Variants in TENM2 observed in about 807,000 individuals in gnomAD.
The protein encoded by TENM2 is teneurin transmembrane protein 2, also known as teneurin-2.
TENM2 carries 52 observed loss-of-function variants against 245.2 expected under a neutral mutation model. The observed-to-expected ratio is 0.21, with a 90% confidence interval of 0.17 to 0.27. The LOEUF (loss-of-function observed/expected upper bound fraction) is 0.27. TENM2 is among the 10% of genes least tolerant of loss of function. The pLI is 1.00. For missense variants in TENM2, 3,046 were observed against 3,666.8 expected, an observed-to-expected ratio of 0.83 and a Z score of 4.37; for synonymous variants, 1,363 against 1,438.9, an observed-to-expected ratio of 0.95 and a Z score of 1.19.
intron 2 of TENM2, among the ~76,000 whole-genome samples, chr5:167,566,741 G>A (rs1773934169): frequency 6.6e-6 from 1 of 152,302 alleles, no homozygotes; most frequent in Non-Finnish European, 1.5e-5. Context: ...ACTCAATGGA[G>A]AGGAACGTAA....
intron 2 of TENM2, among the ~76,000 whole-genome samples, chr5:167,520,298 G>A (rs1030102029): frequency 6.6e-6 from 1 of 152,120 alleles, no homozygotes; most frequent in African/African-American, 2.4e-5. Flanking sequence ...CAAACAAAGT[G>A]GTTATGAAAC....
At chr5:168,134,744 A>G (rs1754897088) in intron 12 of TENM2, among the ~76,000 whole-genome samples, 1 of 152,150 alleles carries the variant, frequency 6.6e-6, no homozygotes, top group Non-Finnish European at 1.5e-5. Flanking sequence ...CCCTTTCACA[A>G]ATTTGCTTCC....
At chr5:167,143,480 A>T in the TENM2 span, among the ~76,000 whole-genome samples, 1 of 152,136 alleles carries the variant, frequency 6.6e-6, no homozygotes, top group African/African-American at 2.4e-5. Context: ...CTGGAACTGG[A>T]AATCTGTTAT....
At chr5:167,008,539 T>C in the TENM2 span, among the ~76,000 whole-genome samples, 1 of 152,192 alleles carries the variant, frequency 6.6e-6, no homozygotes, top group Admixed American at 6.5e-5. Flanking sequence ...TCTCCTTACA[T>C]TTGATCAGTT....
At chr5:167,353,481 G>GTTTT (rs1315088841) in intron 1 of TENM2, among the ~76,000 whole-genome samples, 19 of 67,144 alleles carry the variant, frequency 2.8e-4, no homozygotes, top group East Asian at 1.8e-3. Flanking sequence ...AGTATATGGT[G>GTTTT]TTTTTTGTTG....
At chr5:167,329,633 A>T (rs1218160777) in intron 1 of TENM2, among the ~76,000 whole-genome samples, 4 of 149,930 alleles carry the variant, frequency 2.7e-5, no homozygotes, top group Non-Finnish European at 4.4e-5. Context: ...AATGGTGTGC[A>T]GCAAGGAGCT....
At chr5:167,599,352 A>AT (rs200659541) in intron 2 of TENM2, among the ~76,000 whole-genome samples, 190 of 150,236 alleles carry the variant, frequency 1.3e-3, no homozygotes, top group South Asian at 5.5e-3. Context: ...ATTTTAATTG[A>AT]TTTTTTTTTT....
chr5:168,182,825 CTTTTTTTTTTTTTTT>C (rs149579948), intron 13 of TENM2, among the ~76,000 whole-genome samples: 2 of 100,682 alleles, frequency 2.0e-5, no homozygotes, highest in Non-Finnish European at 3.8e-5. Context: ...TCAGGGTGCT[CTTTTTTTTTTTTTTT>C]TTTTTTTTGA....
the TENM2 span, among the ~76,000 whole-genome samples, chr5:167,279,562 C>CTTCCTTCCTTCCTTCCTTCG: frequency 6.7e-5 from 8 of 119,760 alleles, no homozygotes; most frequent in South Asian, 2.6e-4. Flanking sequence ...TCCTTCCTTC[C>CTTCCTTCCTTCCTTCCTTCG]TTCCTTCTTT....
At chr5:167,945,087 G>C (rs934273696) in intron 3 of TENM2, among the ~76,000 whole-genome samples, 1 of 152,126 alleles carries the variant, frequency 6.6e-6, no homozygotes, top group African/African-American at 2.4e-5. Context: ...TGTCCTCTGA[G>C]ACTCTAAATA....
At chr5:168,059,301 T>A (rs530408908) in intron 6 of TENM2, among the ~76,000 whole-genome samples, 1 of 152,300 alleles carries the variant, frequency 6.6e-6, no homozygotes, top group East Asian at 1.9e-4. Flanking sequence ...TGGCTTGATA[T>A]CACAATCCAT....
intron 2 of TENM2, among the ~76,000 whole-genome samples, chr5:167,585,045 T>C (rs1775387462): frequency 6.6e-6 from 1 of 152,188 alleles, no homozygotes. Flanking sequence ...ACTCACAATG[T>C]ATGGATTAAA....
chr5:167,755,032 G>T (rs190683638), intron 2 of TENM2: 1 of 1,588,746 alleles, frequency 6.3e-7, no homozygotes, highest in African/African-American at 1.3e-5. Flanking sequence ...AACGAAGAGC[G>T]GCCCACTCCC....
At chr5:167,619,176 G>T (rs1201974739) in intron 2 of TENM2, among the ~76,000 whole-genome samples, 2 of 152,020 alleles carry the variant, frequency 1.3e-5, no homozygotes, top group African/African-American at 4.8e-5. Context: ...TTGTGAACTG[G>T]CTTGCAAGAT....
At chr5:167,665,867 A>C (rs1755541602) in intron 2 of TENM2, among the ~76,000 whole-genome samples, 1 of 152,170 alleles carries the variant, frequency 6.6e-6, no homozygotes, top group East Asian at 1.9e-4. Context: ...TTTCATTGAC[A>C]TTATCTTCTA....
chr5:168,173,810 G>A (rs770704815), intron 13 of TENM2, among the ~76,000 whole-genome samples: 2 of 152,154 alleles, frequency 1.3e-5, no homozygotes, highest in Non-Finnish European at 2.9e-5. Context: ...GACCATGGCC[G>A]CTCACAAGAG....
chr5:167,940,678 T>C (rs1001264156), intron 3 of TENM2, among the ~76,000 whole-genome samples: 5 of 152,244 alleles, frequency 3.3e-5, no homozygotes, highest in African/African-American at 1.2e-4. Context: ...TTCTTATTTC[T>C]TGCAATATTT....
At chr5:167,103,388 A>G in the TENM2 span, among the ~76,000 whole-genome samples, 1 of 152,326 alleles carries the variant, frequency 6.6e-6, no homozygotes, top group African/African-American at 2.4e-5. Context: ...AAGTTTCAGG[A>G]AGTTTCTTTA....
intron 12 of TENM2, among the ~76,000 whole-genome samples, chr5:168,127,717 A>C (rs1795955382): frequency 6.6e-6 from 1 of 152,194 alleles, no homozygotes; most frequent in Non-Finnish European, 1.5e-5. Context: ...CACATCTCTC[A>C]GACAGTTGGG....
Sources: allele counts gnomAD v4.1 joint callset (sites outside exome capture counted in the v4.1 genomes callset), GRCh38; gene constraint gnomAD v4.1.1; transcripts MANE v1.5; gene names NCBI Gene and HGNC (gene_info 2026-07-23, HGNC 2026-07-21).